Variants in GFAP observed in about 807,000 individuals in gnomAD.
GFAP encodes the protein glial fibrillary acidic protein, also known as intermediate filament protein.
Under a neutral mutation model 49.3 loss-of-function variants are expected in GFAP, and 38 were observed. That is an observed-to-expected ratio of 0.77 (90% CI 0.60 to 1.01). The LOEUF (loss-of-function observed/expected upper bound fraction) is 1.01. Ranked by LOEUF, GFAP falls within the 50% of genes least tolerant of loss-of-function variation. The pLI is 0.00. For missense variants in GFAP, 463 were observed against 579.1 expected (o/e 0.80, Z 2.06); for synonymous variants, 222 against 236.4 (o/e 0.94, Z 0.56).
At chr17:44,909,837 C>A (rs566345982) in intron 7 of GFAP, 16 of 1,231,670 alleles carry the variant, frequency 1.3e-5, no homozygotes, top group African/African-American at 1.2e-4. Context: ...ACCCAAGGGG[C>A]CCTCCCAGTG....
chr17:44,903,460 G>T lies in GFAP; in HGVS notation c.*3887C>A. On this transcript the variant is annotated 3_prime_UTR_variant, in exon 9 of 9. Coordinates refer to ENST00000588735, the MANE Select transcript of GFAP (RefSeq NM_002055.5). ...CTTTTCCACCAGGCTGGCAGGGCAG[G>T]GCCTGGAGCACTGAGGCAGAGATCT... 7.9e-7 allele frequency: 1 copy of T among 1,260,420 alleles called. No individual in the cohort carries two copies. The highest frequency in any genetic ancestry group is 1.0e-6 in the Non-Finnish European group (1 of 1,004,942). The allele number at this position is 1,260,420 out of a possible 1,614,324, so 78.1% of individuals were successfully genotyped here. A position where few individuals can be genotyped will look rare whatever the true frequency, so the allele number is the denominator to read the frequency against.
rs947116553 is a variant in GFAP at position 44,904,050 on chromosome 17, G to T, written c.*3297C>A. 2 of 1,550,678 alleles carry T rather than the reference G, an allele frequency of 1.3e-6. No homozygotes were observed. Among genetic ancestry groups the T allele is most frequent in the Non-Finnish European group, 1.7e-6 (2 of 1,147,018 alleles). On this transcript the variant is annotated 3_prime_UTR_variant, in exon 9 of 9. Transcript: ENST00000588735. ...TTCTACCAAAAGCACCTAGGTAGCA[G>T]CCACACCAAAGTGCTGACGGACTTT...
At chr17:44,912,062 C>G (rs2051785015) in intron 4 of GFAP, among the ~76,000 whole-genome samples, 1 of 152,172 alleles carries the variant, frequency 6.6e-6, no homozygotes, top group Non-Finnish European at 1.5e-5. Context: ...ATCTGCGGGA[C>G]TGAACGCTGT....
chr17:44,905,315 T>C lies in GFAP; in HGVS notation c.*2032A>G. The C allele has an allele frequency of 1.9e-6, 1 of 524,278 alleles. No homozygotes were observed. Among genetic ancestry groups the C allele is most frequent in the Non-Finnish European group, 3.5e-6 (1 of 286,020 alleles). 32.5% of individuals were successfully genotyped at this position (524,278 alleles called of 1,614,324 possible). A position where few individuals can be genotyped will look rare whatever the true frequency, so the allele number is the denominator to read the frequency against. On this transcript the variant is annotated 3_prime_UTR_variant, in exon 9 of 9. Transcript: ENST00000588735. Reference sequence around the variant, plus strand: ...AAGTAGGGCACATGTGTTTCCTGACTTCACATTTAGGTCAGAGAAGGAAAG... The same window carrying C: ...AAGTAGGGCACATGTGTTTCCTGACCTCACATTTAGGTCAGAGAAGGAAAG...
intron 2 of GFAP, 54 bp downstream of exon 2, chr17:44,913,974 G>A (rs2051842715): frequency 7.3e-7 from 1 of 1,365,868 alleles, no homozygotes; most frequent in Non-Finnish European, 1.0e-6. Context: ...TGTTTGGGTG[G>A]GTGGCCATCA....
At position 44,904,743 on chromosome 17, in the gene GFAP, A is replaced by G; in HGVS notation, c.*2604T>C. On this transcript the variant is annotated 3_prime_UTR_variant, in exon 9 of 9. Coordinates refer to ENST00000588735, the MANE Select transcript of GFAP (RefSeq NM_002055.5). The stretch of plus-strand genomic sequence containing the variant: ...GCAGTGGCCTGGGACAAAGACCGCC[A>G]GCACCTCTACCGCACACAGTACCTG... The G allele has an allele frequency of 6.4e-7, 1 of 1,550,594 alleles. No homozygotes were observed. Among genetic ancestry groups the G allele is most frequent in the Non-Finnish European group, 8.7e-7 (1 of 1,147,000 alleles).
chr17:44,915,199 C>A lies in GFAP; in HGVS notation c.288G>T (p.Ala96=). 4 of 1,614,222 alleles carry A rather than the reference C, an allele frequency of 2.5e-6. No homozygotes were observed. The highest frequency in any genetic ancestry group is 1.1e-5 in the South Asian group (1 of 91,084). The change falls in exon 1 of 9, where the codon GCG becomes GCT. Residue 96 remains alanine (A), a synonymous_variant. Coordinates refer to ENST00000588735, the MANE Select transcript of GFAP (RefSeq NM_002055.5). The surrounding 1 kb of genome is among the most constrained non-coding windows in gnomAD (Gnocchi z 4.1). ...KVRFLEQQNK[A]LAAELNQLRA... is the part of the protein sequence containing the mutation. Reference sequence around the variant, plus strand: ...GCAGCTGGTTCAGCTCAGCAGCCAGCGCCTTGTTTTGCTGTTCCAGGAAGC... The same window carrying A: ...GCAGCTGGTTCAGCTCAGCAGCCAGAGCCTTGTTTTGCTGTTCCAGGAAGC...
chr17:44,907,040 C>A lies in GFAP; in HGVS notation c.*307G>T. 2.0e-6 allele frequency: 1 copy of A among 505,694 alleles called. No individual in the cohort carries two copies. Among genetic ancestry groups the A allele is most frequent in the Non-Finnish European group, 3.6e-6 (1 of 275,920 alleles). The allele number at this position is 505,694 out of a possible 1,614,324, so 31.3% of individuals were successfully genotyped here. Reference sequence around the variant, plus strand: ...GGCGATGTAGTAGGTGCCCCCCGCCCTCCTCCCCTTCTCTCCTTCCTCCTC... The same window carrying A: ...GGCGATGTAGTAGGTGCCCCCCGCCATCCTCCCCTTCTCTCCTTCCTCCTC... On this transcript the variant is annotated 3_prime_UTR_variant, in exon 9 of 9. Coordinates refer to ENST00000588735, the MANE Select transcript of GFAP (RefSeq NM_002055.5).
chr17:44,914,967 C>G, intron 1 of GFAP, 59 bp downstream of exon 1: 1 of 1,485,774 alleles, frequency 6.7e-7, no homozygotes, highest in South Asian at 1.2e-5. Flanking sequence ...TCGGGCACTC[C>G]TTCTTGGGGA....
Position 44,910,653 on chromosome 17 carries a change from G to A in GFAP, c.1133C>T (p.Thr378Ile), listed in dbSNP as rs1238527147. Residue 378 changes from threonine (T) to isoleucine (I), a missense_variant, in exon 7 of 9, where the codon ACC becomes ATC. This residue lies in a region of GFAP where 362 missense variants were observed against 445.5 expected (regional missense o/e 0.81). Coordinates refer to ENST00000588735, the MANE Select transcript of GFAP (RefSeq NM_002055.5). ...KLLEGEENRI[T>I]IPVQTFSNLQ... The stretch of plus-strand genomic sequence containing the variant: ...GTTGGAGAAGGTCTGCACGGGAATG[G>A]TGATCCTGAAAGAAAGCAGAGGGAG... 1 of 1,586,916 alleles carries A rather than the reference G, an allele frequency of 6.3e-7. No homozygotes were observed. Among genetic ancestry groups the A allele is most frequent in the Admixed American group, 1.8e-5 (1 of 54,730 alleles).
At chr17:44,910,702 C>A in intron 6 of GFAP, 44 bp from the exon 7 acceptor site, 1 of 1,568,046 alleles carries the variant, frequency 6.4e-7, no homozygotes, top group Admixed American at 1.9e-5. Flanking sequence ...CTGCCTGGGA[C>A]ACCCCTAGGC....
chr17:44,913,138 A>T lies in GFAP; in HGVS notation c.780+131T>A. 5.6e-6 allele frequency: 5 copies of T among 900,126 alleles called. No homozygotes were observed. In the South Asian group the frequency reaches 6.6e-5, roughly 12 times the overall value. 55.8% of individuals were successfully genotyped at this position (900,126 alleles called of 1,614,324 possible). On this transcript the variant is annotated intron_variant, in intron 4 of 8. Transcript: ENST00000588735. ...TGTGTGACCCTGGGCAAGCCATCTCACTTCTCTGGTGAAAGTCAGTCACCT... is the reference window on the plus strand; with the variant it reads ...TGTGTGACCCTGGGCAAGCCATCTCTCTTCTCTGGTGAAAGTCAGTCACCT...
At position 44,910,152 on chromosome 17, in the gene GFAP, G is replaced by A. The variant is rs765781978; in HGVS notation, c.1171+463C>T. On this transcript the variant is annotated intron_variant, in intron 7 of 8. Transcript: ENST00000588735. ...GGCAGGCAGCTAACCGCGAGCCGGC[G>A]GCGTTCCATTTACAATCTGGTGAGC... The A allele has an allele frequency of 1.6e-5, 26 of 1,613,826 alleles. No homozygotes were observed. The highest frequency in any genetic ancestry group is 1.6e-4 in the Middle Eastern group (1 of 6,084).
At chr17:44,910,494 G>GC (rs1567772799) in intron 7 of GFAP, 121 bp downstream of exon 7, 3 of 1,553,234 alleles carry the variant, frequency 1.9e-6, no homozygotes, top group Non-Finnish European at 2.6e-6. Flanking sequence ...TGTCACGAAG[G>GC]CCCCCAGGGA....
intron 7 of GFAP, 65 bp downstream of exon 7, chr17:44,910,550 C>G (rs1392490766): frequency 6.4e-7 from 1 of 1,554,684 alleles, no homozygotes. Flanking sequence ...TCTGGAGCAA[C>G]CTACAGGCCC....
In GFAP at chr17:44,915,222, A is replaced by G. The variant is rs773482099; in HGVS notation, c.265T>C (p.Phe89Leu). ...RFASYIEKVRFLEQQNKALAA... is the reference protein window; with the variant it reads ...RFASYIEKVRLLEQQNKALAA... The stretch of plus-strand genomic sequence containing the variant: ...AGCGCCTTGTTTTGCTGTTCCAGGA[A>G]GCGAACCTTCTCGATGTAGCTGGCA... The change falls in exon 1 of 9, where the codon TTC (phenylalanine) becomes CTC (leucine). Residue 89 changes from phenylalanine (F) to leucine (L), a missense_variant. Phe to Leu is a conservative substitution (Grantham distance 22). Coordinates refer to ENST00000588735, the MANE Select transcript of GFAP (RefSeq NM_002055.5). The surrounding 1 kb of genome is among the most constrained non-coding windows in gnomAD (Gnocchi z 4.1). 1.4e-5 allele frequency: 23 copies of G among 1,614,096 alleles called. No individual in the cohort carries two copies. In the Admixed American group the frequency reaches 2.8e-4, roughly 20 times the overall value.
At position 44,904,087 on chromosome 17, in the gene GFAP, G is replaced by A; in HGVS notation, c.*3260C>T. 1 of 1,550,634 alleles carries A rather than the reference G, an allele frequency of 6.4e-7. No individual in the cohort carries two copies. The highest frequency in any genetic ancestry group is 8.7e-7 in the Non-Finnish European group (1 of 1,147,006). On this transcript the variant is annotated 3_prime_UTR_variant, in exon 9 of 9. Coordinates refer to ENST00000588735, the MANE Select transcript of GFAP (RefSeq NM_002055.5). ...TGCTGACGGACTTTGATGGGCGGGT[G>A]CTGACGGAGGCAGCCCAGGTACGTG... is the stretch of plus-strand genomic sequence containing the variant.
In GFAP at chr17:44,904,636, G is replaced by A. The variant is rs555687846; in HGVS notation, c.*2711C>T. The A allele has an allele frequency of 3.9e-5, 61 of 1,550,568 alleles. No homozygotes were observed. In the East Asian group the frequency reaches 1.5e-3, roughly 38 times the overall value. ...CCAAAGTGGGCAGCCGGCCCTGGGT[G>A]CCCCAGGTGCCCATTCAGTTCCACC... is the stretch of plus-strand genomic sequence containing the variant. On this transcript the variant is annotated 3_prime_UTR_variant, in exon 9 of 9. Transcript: ENST00000588735.
intron 4 of GFAP, 109 bp from the exon 5 acceptor site, chr17:44,911,906 G>T: frequency 7.6e-7 from 1 of 1,311,478 alleles, no homozygotes; most frequent in South Asian, 1.3e-5. Context: ...CGTTGGCCCT[G>T]GCTGGGACTT....
Sources: allele counts gnomAD v4.1 joint callset (sites outside exome capture counted in the v4.1 genomes callset), GRCh38; gene constraint gnomAD v4.1.1; regional missense constraint gnomAD v4.1.1; non-coding constraint Gnocchi (gnomAD v3.1); transcripts MANE v1.5; gene names NCBI Gene and HGNC (gene_info 2026-07-23, HGNC 2026-07-21).